Variants in UNC79 observed in about 807,000 individuals in gnomAD.
The protein encoded by UNC79 is protein unc-79 homolog.
UNC79 carries 37 observed loss-of-function variants against 283.1 expected under a neutral mutation model. The ratio of observed to expected loss-of-function variants is 0.13; its 90% CI spans 0.10 to 0.17. The LOEUF is 0.17. Ranked by LOEUF, UNC79 falls within the 10% of genes least tolerant of loss-of-function variation. The pLI is 1.00. For missense variants in UNC79, 2,272 were observed against 3,211.1 expected (o/e 0.71, Z 7.07); for synonymous variants, 1,107 against 1,200.2 (o/e 0.92, Z 1.61).
chr14:93,704,241 G>A (rs1310581158), intron 47 of UNC79, among the ~76,000 whole-genome samples: 1 of 152,170 alleles, frequency 6.6e-6, no homozygotes, highest in African/African-American at 2.4e-5. Flanking sequence ...ATGACTACAG[G>A]CAAATAGAGT....
chr14:93,679,333 C>T (rs2073633461), intron 41 of UNC79, among the ~76,000 whole-genome samples: 1 of 152,154 alleles, frequency 6.6e-6, no homozygotes, highest in African/African-American at 2.4e-5. Context: ...GTGGCATCTG[C>T]CTGTATTTCC....
At chr14:93,388,166 C>T (rs1186527485) in intron 1 of UNC79, among the ~76,000 whole-genome samples, 1 of 151,696 alleles carries the variant, frequency 6.6e-6, no homozygotes, top group Non-Finnish European at 1.5e-5. Flanking sequence ...GGCCAGAGTG[C>T]AATGGTGCAA....
chr14:93,519,151 T>C (rs546778407), intron 7 of UNC79, among the ~76,000 whole-genome samples: 1 of 152,016 alleles, frequency 6.6e-6, no homozygotes, highest in East Asian at 1.9e-4. Context: ...GTTATGCTTC[T>C]TTCAATTCTC....
intron 5 of UNC79, among the ~76,000 whole-genome samples, chr14:93,493,902 T>TATA (rs1491278051): frequency 6.9e-4 from 10 of 14,530 alleles, no homozygotes; most frequent in East Asian, 5.5e-3. Context: ...TATATATATA[T>TATA]TTTTTTTTTT....
At chr14:93,366,517 A>G (rs1169020792) in intron 1 of UNC79, among the ~76,000 whole-genome samples, 3 of 150,644 alleles carry the variant, frequency 2.0e-5, no homozygotes, top group African/African-American at 4.9e-5. Flanking sequence ...AACTTAATCC[A>G]TGTGTTTCCA....
At chr14:93,334,709 T>A (rs2139858468) in intron 1 of UNC79, 1 of 152,366 alleles carries the variant, frequency 6.6e-6, no homozygotes, top group East Asian at 1.9e-4. Flanking sequence ...ACCTGGTACA[T>A]GGGATTCTAA....
exon 42 of UNC79, chr14:93,682,664 G>A (rs1386823166): frequency 1.9e-6 from 3 of 1,613,884 alleles, no homozygotes; most frequent in Non-Finnish European, 2.5e-6. Flanking sequence ...CAACAATCCT[G>A]AGCAAGCAGA....
intron 26 of UNC79, among the ~76,000 whole-genome samples, chr14:93,610,772 A>G (rs931960471): frequency 5.9e-5 from 9 of 151,934 alleles, no homozygotes; most frequent in African/African-American, 2.2e-4. Flanking sequence ...CACCATGTCC[A>G]GCTAATTTTT....
At chr14:93,542,185 T>C (rs1033529525) in intron 13 of UNC79, among the ~76,000 whole-genome samples, 2 of 152,146 alleles carry the variant, frequency 1.3e-5, no homozygotes, top group African/African-American at 4.8e-5. Context: ...CCTAACTTTT[T>C]AGAAGCATTT....
intron 39 of UNC79, among the ~76,000 whole-genome samples, chr14:93,660,557 ATATATATG>A (rs1260352616): frequency 8.3e-4 from 73 of 87,738 alleles, no homozygotes; most frequent in Non-Finnish European, 1.4e-3. Context: ...ATATATATAT[ATATATATG>A]TGTGTGTGTG....
At chr14:93,589,976 C>T (rs1394576830) in intron 22 of UNC79, among the ~76,000 whole-genome samples, 1 of 152,080 alleles carries the variant, frequency 6.6e-6, no homozygotes, top group Non-Finnish European at 1.5e-5. Flanking sequence ...GGGAGGATTG[C>T]TTGATTTGAG....
chr14:93,662,313 G>C (rs953497686), intron 39 of UNC79, among the ~76,000 whole-genome samples: 4 of 152,166 alleles, frequency 2.6e-5, no homozygotes, highest in African/African-American at 7.2e-5. Flanking sequence ...TGATTGCTTA[G>C]GGTGGACACG....
intron 26 of UNC79, among the ~76,000 whole-genome samples, chr14:93,605,782 C>T (rs1025403407): frequency 4.6e-5 from 7 of 151,924 alleles, no homozygotes; most frequent in Non-Finnish European, 1.0e-4. Flanking sequence ...ATAAAAAGGA[C>T]GTTTGAAAGA....
At chr14:93,459,630 C>A (rs946437945) in intron 1 of UNC79, among the ~76,000 whole-genome samples, 1 of 147,988 alleles carries the variant, frequency 6.8e-6, no homozygotes, top group Non-Finnish European at 1.5e-5. Flanking sequence ...AGCTTTGTGC[C>A]TTTGGGCAAG....
At chr14:93,519,103 C>G (rs1461004306) in intron 7 of UNC79, among the ~76,000 whole-genome samples, 5 of 151,812 alleles carry the variant, frequency 3.3e-5, no homozygotes, top group African/African-American at 1.2e-4. Flanking sequence ...CTTGTTTTAT[C>G]AGTTACTGAG....
chr14:93,706,681 A>T (rs541906551), intron 48 of UNC79, 23 bp from the exon 52 acceptor site: 2 of 1,613,428 alleles, frequency 1.2e-6, no homozygotes, highest in East Asian at 2.2e-5. Context: ...AATAAACTAA[A>T]ACCTCTTGCC....
In UNC79 at chr14:93,531,218, T is replaced by C. The variant is rs747307270; in HGVS notation, c.1094-1332T>C. On this transcript the variant is annotated intron_variant, in intron 10 of 48. Coordinates refer to ENST00000555664, the Ensembl canonical transcript of UNC79. This position sits in a 1 kb window ranked among gnomAD's most constrained non-coding sequence, Gnocchi z 4.2. ...ACCTCAGATGATTTAAGATAAACTC[T>C]AGGATATCAAACTGTCAAGTAACCA... Among the ~76,000 whole-genome samples the C allele has an allele frequency of 2.0e-5, 3 of 152,214 alleles. No individual in the cohort carries two copies. The highest frequency in any genetic ancestry group is 4.4e-5 in the Non-Finnish European group (3 of 68,036).
intron 1 of UNC79, among the ~76,000 whole-genome samples, chr14:93,396,128 A>G (rs1053396048): frequency 1.7e-4 from 25 of 151,322 alleles, no homozygotes; most frequent in Non-Finnish European, 3.2e-4. Flanking sequence ...CCTGTTTTCA[A>G]GTTCATTCAT....
intron 1 of UNC79, among the ~76,000 whole-genome samples, chr14:93,350,912 A>T (rs2053969647): frequency 6.6e-6 from 1 of 152,242 alleles, no homozygotes; most frequent in African/African-American, 2.4e-5. Context: ...TACCTCCAGT[A>T]TAACTTTATC....
Sources: allele counts gnomAD v4.1 joint callset (sites outside exome capture counted in the v4.1 genomes callset), GRCh38; gene constraint gnomAD v4.1.1; non-coding constraint Gnocchi (gnomAD v3.1); transcripts MANE v1.5; gene names NCBI Gene and HGNC (gene_info 2026-07-23, HGNC 2026-07-21).